The following RABGAP1L variants were observed in gnomAD, a reference collection of about 807,000 sequenced individuals.
The protein encoded by RABGAP1L is RAB GTPase activating protein 1 like.
In RABGAP1L, 63 loss-of-function variants were observed where a neutral mutation model predicts 137.7. That is an observed-to-expected ratio of 0.46 (90% CI 0.37 to 0.56). RABGAP1L has a LOEUF of 0.56. RABGAP1L is among the 20% of genes least tolerant of loss of function. RABGAP1L has a pLI of 0.00. For synonymous variants in RABGAP1L, 431 were observed against 433.7 expected, an observed-to-expected ratio of 0.99 and a Z score of 0.08; for missense variants, 1,095 against 1,244.0, an observed-to-expected ratio of 0.88 and a Z score of 1.80.
chr1:174,656,439 C>G (rs1322734983), intron 14 of RABGAP1L, among the ~76,000 whole-genome samples: 3 of 152,200 alleles, frequency 2.0e-5, no homozygotes, highest in Non-Finnish European at 4.4e-5. Flanking sequence ...GCCTGGGCAA[C>G]AGAGTGAGAC....
At chr1:174,927,481 T>C (rs956520551) in intron 19 of RABGAP1L, among the ~76,000 whole-genome samples, 3 of 152,176 alleles carry the variant, frequency 2.0e-5, no homozygotes, top group African/African-American at 7.2e-5. Context: ...CCTCCTGCCT[T>C]GGTCTCCCAA....
At chr1:174,691,148 A>G (rs183156077) in intron 15 of RABGAP1L, among the ~76,000 whole-genome samples, 140 of 152,246 alleles carry the variant, frequency 9.2e-4, no homozygotes, top group African/African-American at 3.1e-3. Context: ...TGTTGAAGAA[A>G]ATTGGGAATA....
intron 23 of RABGAP1L, among the ~76,000 whole-genome samples, chr1:174,981,550 C>CTTTTTTTTTTTTTTTTTTTTTTTTTTT (rs10556099): frequency 6.0e-5 from 4 of 66,434 alleles, no homozygotes; most frequent in Non-Finnish European, 1.0e-4. Context: ...GTTTTTCCAT[C>CTTTTTTTTTTTTTTTTTTTTTTTTTTT]TTTTTTTTTT....
At chr1:174,191,110 A>G (rs1558017298) in intron 1 of RABGAP1L, among the ~76,000 whole-genome samples, 4 of 152,332 alleles carry the variant, frequency 2.6e-5, no homozygotes, top group Admixed American at 6.5e-5. Flanking sequence ...AGATAGAATA[A>G]TAATGAAAAA....
intron 17 of RABGAP1L, among the ~76,000 whole-genome samples, chr1:174,717,279 G>A (rs1186703193): frequency 6.6e-6 from 1 of 152,022 alleles, no homozygotes; most frequent in African/African-American, 2.4e-5. Flanking sequence ...GGCATGCTGG[G>A]CACAACTGTA....
At chr1:174,300,500 C>T (rs955490951) in intron 10 of RABGAP1L, among the ~76,000 whole-genome samples, 2 of 142,834 alleles carry the variant, frequency 1.4e-5, no homozygotes, top group African/African-American at 2.7e-5. Flanking sequence ...TTGCACTCCA[C>T]CCTGGGTAAC....
chr1:174,947,743 C>T (rs957616975), intron 19 of RABGAP1L, among the ~76,000 whole-genome samples: 16 of 152,112 alleles, frequency 1.1e-4, no homozygotes, highest in African/African-American at 3.9e-4. Flanking sequence ...TCTAAACCAC[C>T]TCAAATAAAG....
chr1:174,349,548 T>A, intron 11 of RABGAP1L, among the ~76,000 whole-genome samples: 1 of 119,496 alleles, frequency 8.4e-6, no homozygotes, highest in Non-Finnish European at 1.8e-5. Context: ...GAGGCGCCCC[T>A]CACCTCCCGG....
chr1:174,889,480 G>A (rs1311354952), intron 19 of RABGAP1L, among the ~76,000 whole-genome samples: 2 of 152,120 alleles, frequency 1.3e-5, no homozygotes, highest in Non-Finnish European at 2.9e-5. Context: ...GAGTGCAGTG[G>A]CGTGATAATG....
intron 7 of RABGAP1L, among the ~76,000 whole-genome samples, chr1:174,271,870 T>C (rs1419760775): frequency 1.3e-5 from 2 of 152,024 alleles, no homozygotes; most frequent in African/African-American, 4.8e-5. Flanking sequence ...GTAATAAAGT[T>C]TGCATAACTT....
intron 17 of RABGAP1L, among the ~76,000 whole-genome samples, chr1:174,745,969 A>T (rs1683829802): frequency 6.6e-6 from 1 of 152,054 alleles, no homozygotes; most frequent in Admixed American, 6.6e-5. Flanking sequence ...TTTCCCTTTT[A>T]TTTTGATTCC....
At chr1:174,694,527 A>G (rs2148505950) in intron 15 of RABGAP1L, among the ~76,000 whole-genome samples, 1 of 151,512 alleles carries the variant, frequency 6.6e-6, no homozygotes, top group Middle Eastern at 3.4e-3. Flanking sequence ...AAGGACATGA[A>G]CTCATCATTT....
intron 19 of RABGAP1L, among the ~76,000 whole-genome samples, chr1:174,825,477 A>G (rs1180836731): frequency 6.6e-6 from 1 of 152,212 alleles, no homozygotes; most frequent in Non-Finnish European, 1.5e-5. Context: ...AAGAGGTCAT[A>G]CTTTTGTTTC....
chr1:174,744,382 C>G (rs757630766), intron 17 of RABGAP1L, among the ~76,000 whole-genome samples: 5 of 152,168 alleles, frequency 3.3e-5, no homozygotes, highest in Non-Finnish European at 7.4e-5. Flanking sequence ...CTGTCACTTT[C>G]ACTACTTTCT....
intron 13 of RABGAP1L, among the ~76,000 whole-genome samples, chr1:174,462,373 A>G (rs570981059): frequency 6.6e-6 from 1 of 152,258 alleles, no homozygotes; most frequent in East Asian, 1.9e-4. Flanking sequence ...TTCCTTCTCC[A>G]TATATGTACA....
At chr1:174,575,204 A>C (rs1359539201) in intron 13 of RABGAP1L, among the ~76,000 whole-genome samples, 1 of 152,218 alleles carries the variant, frequency 6.6e-6, no homozygotes, top group Non-Finnish European at 1.5e-5. Context: ...TGCTGGGATT[A>C]CAGGCATGAG....
At chr1:174,958,023 G>A in intron 20 of RABGAP1L, 1 of 1,535,964 alleles carries the variant, frequency 6.5e-7, no homozygotes, top group East Asian at 2.3e-5. Flanking sequence ...AAATGGCAAA[G>A]TACTGTTTTA....
chr1:174,653,228 C>A (rs963417109), intron 14 of RABGAP1L, among the ~76,000 whole-genome samples: 1 of 152,180 alleles, frequency 6.6e-6, no homozygotes, highest in African/African-American at 2.4e-5. Flanking sequence ...TCTTAGCTTG[C>A]TGGGCTCCAT....
intron 2 of RABGAP1L, 80 bp downstream of exon 2, chr1:174,219,375 G>T: frequency 9.9e-7 from 1 of 1,008,322 alleles, no homozygotes; most frequent in Non-Finnish European, 1.3e-6. Context: ...AAATGCAAAG[G>T]TTTTTCTCAA....
Sources: allele counts gnomAD v4.1 joint callset (sites outside exome capture counted in the v4.1 genomes callset), GRCh38; gene constraint gnomAD v4.1.1; transcripts MANE v1.5; gene names NCBI Gene and HGNC (gene_info 2026-07-23, HGNC 2026-07-21).